The following NFYC variants were observed in gnomAD, a reference collection of about 807,000 sequenced individuals.
The protein encoded by NFYC is CAAT box DNA-binding protein subunit C.
A neutral mutation model predicts 53.1 loss-of-function variants in NFYC; 25 were observed. The ratio of observed to expected loss-of-function variants is 0.47; its 90% confidence interval spans 0.34 to 0.66. The LOEUF (loss-of-function observed/expected upper bound fraction) is 0.66. NFYC is among the 30% of genes least tolerant of loss of function. The pLI is 0.01. For missense variants in NFYC, 260 were observed against 422.7 expected, an observed-to-expected ratio of 0.62 and a Z score of 3.38; for synonymous variants, 145 against 152.6, an observed-to-expected ratio of 0.95 and a Z score of 0.37.
At chr1:40,732,816 G>T (rs1644831862) in intron 1 of NFYC, among the ~76,000 whole-genome samples, 1 of 152,186 alleles carries the variant, frequency 6.6e-6, no homozygotes, top group Non-Finnish European at 1.5e-5. Context: ...GTTTGTGTGT[G>T]TGTGTCCTTT....
At chr1:40,756,036 T>G (rs916391847) in intron 5 of NFYC, among the ~76,000 whole-genome samples, 2 of 152,204 alleles carry the variant, frequency 1.3e-5, no homozygotes, top group Non-Finnish European at 2.9e-5. Context: ...GTTCTGAGGC[T>G]CTCATTCCTG....
At chr1:40,747,402 A>C in intron 2 of NFYC, 132 bp from the exon 3 acceptor site, 2 of 607,880 alleles carry the variant, frequency 3.3e-6, no homozygotes, top group Non-Finnish European at 2.9e-6. Context: ...TCTTCATTTC[A>C]TCTGTACCTT....
At chr1:40,706,001 C>T (rs1265668811) in intron 1 of NFYC, among the ~76,000 whole-genome samples, 1 of 152,206 alleles carries the variant, frequency 6.6e-6, no homozygotes, top group Non-Finnish European at 1.5e-5. Flanking sequence ...CTTCCTTGGC[C>T]TCCCAAAATG....
At chr1:40,706,023 G>A (rs1221231795) in intron 1 of NFYC, among the ~76,000 whole-genome samples, 1 of 152,198 alleles carries the variant, frequency 6.6e-6, no homozygotes, top group South Asian at 2.1e-4. Flanking sequence ...TGGGATTACA[G>A]GTGTGAGCCA....
chr1:40,716,178 T>G (rs969712893), intron 1 of NFYC, among the ~76,000 whole-genome samples: 8 of 152,162 alleles, frequency 5.3e-5, no homozygotes, highest in African/African-American at 1.9e-4. Context: ...TGTATACAAA[T>G]AAAATTTTAC....
In NFYC at chr1:40,742,980, T is replaced by A. The variant is rs117130462; in HGVS notation, c.105+4032T>A. 7.4e-4 allele frequency among the ~76,000 whole-genome samples: 113 copies of A among 152,292 alleles called. 3 individuals carry two copies. The East Asian group carries it at 0.015, about 21-fold the overall frequency. On this transcript the variant is annotated intron_variant, in intron 2 of 9. Coordinates refer to ENST00000447388, the MANE Select transcript of NFYC (RefSeq NM_014223.5). ...CTCAGATGTGTCAGAGCCTCTTAGG[T>A]TGACACCTCACAATATCTAACAGAT...
At chr1:40,718,849 CATG>C (rs1207385139) in intron 1 of NFYC, among the ~76,000 whole-genome samples, 10 of 152,206 alleles carry the variant, frequency 6.6e-5, no homozygotes, top group South Asian at 2.1e-4. Context: ...TTAGATGAAT[CATG>C]GTGGTTTTTT....
chr1:40,721,095 C>G (rs533088460), intron 1 of NFYC, among the ~76,000 whole-genome samples: 2 of 152,156 alleles, frequency 1.3e-5, no homozygotes, highest in Admixed American at 1.3e-4. Context: ...AAGTCTGAAG[C>G]AAGTGAATAT....
At position 40,771,044 on chromosome 1, in the gene NFYC, G is replaced by A. The variant is rs1022461341; in HGVS notation, c.*216G>A. 3.6e-5 allele frequency: 21 copies of A among 588,280 alleles called. No homozygotes were observed. The highest frequency in any genetic ancestry group is 8.7e-5 in the South Asian group (4 of 46,136). 36.4% of individuals were successfully genotyped at this position (588,280 alleles called of 1,614,324 possible). ...CCTTTTTTTCCATTTTTTTCTCTAA[G>A]GAATCAATATTTCAATATGTTGAGT... On this transcript the variant is annotated 3_prime_UTR_variant, in exon 10 of 10. Coordinates refer to ENST00000447388, the MANE Select transcript of NFYC (RefSeq NM_014223.5).
chr1:40,749,795 C>A (rs1570627129), intron 4 of NFYC, 109 bp downstream of exon 4: 2 of 864,514 alleles, frequency 2.3e-6, no homozygotes, highest in East Asian at 5.1e-5. Context: ...AAAGATTGTT[C>A]TCCTTTAGGA....
chr1:40,753,080 T>TG (rs1352979143), intron 4 of NFYC, 71 bp from the exon 5 acceptor site: 1 of 1,131,088 alleles, frequency 8.8e-7, no homozygotes, highest in African/African-American at 1.5e-5. Flanking sequence ...TTACCTTACT[T>TG]GGAGGGTATA....
At chr1:40,710,800 C>T (rs140767067) in intron 1 of NFYC, among the ~76,000 whole-genome samples, 55 of 152,250 alleles carry the variant, frequency 3.6e-4, no homozygotes, top group African/African-American at 1.3e-3. Flanking sequence ...TATAGCAAGT[C>T]AAAGTTCCTG....
chr1:40,767,019 G>T (rs2148802015), intron 8 of NFYC: 1 of 1,530,098 alleles, frequency 6.5e-7, no homozygotes, highest in South Asian at 1.2e-5. Flanking sequence ...CAGATCGCCT[G>T]ATCGTCAGGC....
At chr1:40,761,854 T>G (rs763057867) in intron 6 of NFYC, among the ~76,000 whole-genome samples, 49 of 152,314 alleles carry the variant, frequency 3.2e-4, no homozygotes, top group Middle Eastern at 3.4e-3. Flanking sequence ...TGAGGAGAGA[T>G]AGTGATGGAA....
At chr1:40,715,371 A>G (rs1644095119) in intron 1 of NFYC, among the ~76,000 whole-genome samples, 1 of 151,706 alleles carries the variant, frequency 6.6e-6, no homozygotes, top group South Asian at 2.1e-4. Flanking sequence ...CAACAGAGTG[A>G]GATTCCGTCT....
At chr1:40,722,313 A>G (rs1644357604) in intron 1 of NFYC, among the ~76,000 whole-genome samples, 1 of 152,220 alleles carries the variant, frequency 6.6e-6, no homozygotes, top group Non-Finnish European at 1.5e-5. Context: ...TTCAGCTTGA[A>G]TTCTTTGCTT....
intron 6 of NFYC, 55 bp downstream of exon 6, chr1:40,758,349 G>A: frequency 6.6e-7 from 1 of 1,525,578 alleles, no homozygotes; most frequent in Non-Finnish European, 8.8e-7. Context: ...TTAGGTTTTT[G>A]GATGGGCAGA....
intron 1 of NFYC, among the ~76,000 whole-genome samples, chr1:40,705,580 A>G (rs1415653631): frequency 6.6e-6 from 1 of 152,176 alleles, no homozygotes; most frequent in African/African-American, 2.4e-5. Flanking sequence ...TGATTTACCT[A>G]GTTGTTTCAT....
At chr1:40,742,767 A>T (rs1645417896) in intron 2 of NFYC, among the ~76,000 whole-genome samples, 1 of 152,208 alleles carries the variant, frequency 6.6e-6, no homozygotes. Context: ...TTTGAGTAAG[A>T]ATGCAATCCA....
Sources: gnomAD v4.1 joint callset for allele counts (sites outside exome capture counted in the v4.1 genomes callset) on GRCh38, gnomAD v4.1.1 for gene constraint, MANE v1.5 for transcripts, NCBI Gene and HGNC (gene_info 2026-07-23, HGNC 2026-07-21) for gene names.